Variants in LARP1 observed in about 807,000 individuals in gnomAD.
The protein encoded by LARP1 is la-related protein 1.
LARP1 carries 36 observed loss-of-function variants against 122.7 expected under a neutral mutation model. The ratio of observed to expected loss-of-function variants is 0.29; its 90% CI spans 0.22 to 0.39. The LOEUF is 0.39. Ranked by LOEUF, LARP1 falls within the 10% of genes least tolerant of loss-of-function variation. The probability of loss-of-function intolerance (pLI) is 1.00; values close to 1 mark genes in which losing one functional copy is unlikely to be tolerated. For synonymous variants in LARP1, 539 were observed against 528.7 expected (o/e 1.02, Z -0.27); for missense variants, 1,040 against 1,403.6 (o/e 0.74, Z 4.14).
intron 1 of LARP1, among the ~76,000 whole-genome samples, chr5:154,773,878 A>G (rs181991534): frequency 6.6e-6 from 1 of 152,186 alleles, no homozygotes; most frequent in African/African-American, 2.4e-5. Flanking sequence ...GGGCCAGAGT[A>G]GTTGCAGAAG....
intron 1 of LARP1, among the ~76,000 whole-genome samples, chr5:154,701,830 C>T (rs1209181677): frequency 6.6e-6 from 1 of 151,998 alleles, no homozygotes; most frequent in East Asian, 1.9e-4. Context: ...ACTATGTTGG[C>T]CAGGCTGGTC....
chr5:154,801,941 A>T (rs1758383985), intron 10 of LARP1, 66 bp from the exon 11 acceptor site: 2 of 1,472,268 alleles, frequency 1.4e-6, no homozygotes, highest in Non-Finnish European at 1.8e-6. Flanking sequence ...CTCTCATGGT[A>T]TAGCTACAGA....
upstream of LARP1, among the ~76,000 whole-genome samples, chr5:154,753,625 T>C (rs960042177): frequency 6.6e-6 from 1 of 152,226 alleles, no homozygotes; most frequent in African/African-American, 2.4e-5. Flanking sequence ...TAACATTGTC[T>C]CACTTGACCT....
intron 7 of LARP1, 42 bp from the exon 8 acceptor site, chr5:154,795,133 G>A: frequency 6.3e-7 from 1 of 1,597,874 alleles, no homozygotes. Flanking sequence ...TAAAACTGAT[G>A]CACCAATCCC....
intron 1 of LARP1, among the ~76,000 whole-genome samples, chr5:154,770,685 C>T (rs1206982983): frequency 6.6e-6 from 1 of 152,076 alleles, no homozygotes; most frequent in Non-Finnish European, 1.5e-5. Flanking sequence ...TTTTTGATTT[C>T]AGGTAAGATC....
At chr5:154,810,285 A>G (rs1051123975) in intron 16 of LARP1, among the ~76,000 whole-genome samples, 6 of 151,092 alleles carry the variant, frequency 4.0e-5, no homozygotes, top group Non-Finnish European at 8.8e-5. Flanking sequence ...AAAATACACA[A>G]ATTAGCTGGG....
At chr5:154,690,585 G>A (rs1286000189) in intron 1 of LARP1, among the ~76,000 whole-genome samples, 1 of 152,214 alleles carries the variant, frequency 6.6e-6, no homozygotes, top group Non-Finnish European at 1.5e-5. Context: ...CGGTCCGCCC[G>A]GCCCCAGAGC....
At chr5:154,795,941 AT>A (rs1260030030) in intron 8 of LARP1, among the ~76,000 whole-genome samples, 4 of 118,834 alleles carry the variant, frequency 3.4e-5, no homozygotes, top group African/African-American at 1.3e-4. Context: ...TATATTATAT[AT>A]TTATATATTA....
intron 1 of LARP1, among the ~76,000 whole-genome samples, chr5:154,735,787 T>C (rs1756861658): frequency 6.6e-6 from 1 of 151,440 alleles, no homozygotes; most frequent in Non-Finnish European, 1.5e-5. Flanking sequence ...GCCAGGCTGG[T>C]CTCAAACTCC....
intron 1 of LARP1, among the ~76,000 whole-genome samples, chr5:154,689,883 C>T (rs535621963): frequency 6.6e-6 from 1 of 152,128 alleles, no homozygotes; most frequent in East Asian, 1.9e-4. Flanking sequence ...TCGAGACCAG[C>T]CTGGCCATCA....
At chr5:154,738,731 A>T (rs1363023282) in intron 1 of LARP1, among the ~76,000 whole-genome samples, 1 of 152,170 alleles carries the variant, frequency 6.6e-6, no homozygotes, top group South Asian at 2.1e-4. Context: ...CCCTTATGAG[A>T]TAGGACACAG....
intron 1 of LARP1, among the ~76,000 whole-genome samples, chr5:154,686,785 C>T (rs1753959527): frequency 6.6e-6 from 1 of 152,190 alleles, no homozygotes; most frequent in Non-Finnish European, 1.5e-5. Flanking sequence ...ATCCTACAGA[C>T]CCTTAAATGC....
At chr5:154,746,562 G>T (rs1430807155) in intron 1 of LARP1, among the ~76,000 whole-genome samples, 1 of 152,192 alleles carries the variant, frequency 6.6e-6, no homozygotes, top group African/African-American at 2.4e-5. Context: ...CCTGGGTTCT[G>T]ATCTTGATTC....
chr5:154,814,603 G>T lies in LARP1; in HGVS notation c.*507G>T, dbSNP rs1390812122. ...GTACCTCTGGGCCCCAGGAGCATCA[G>T]CCCCTTGATCATCTGGGGTTTGTCA... On this transcript the variant is annotated 3_prime_UTR_variant, in exon 19 of 19. Transcript: ENST00000518297. 6.6e-6 allele frequency: 1 copy of T among 152,490 alleles called. No homozygotes were observed. Among genetic ancestry groups the T allele is most frequent in the Non-Finnish European group, 1.5e-5 (1 of 68,070 alleles). 9.4% of individuals were successfully genotyped at this position (152,490 alleles called of 1,614,324 possible).
In LARP1 at chr5:154,756,133, C is replaced by G; in HGVS notation, c.376C>G (p.Pro126Ala). Residue 126 changes from proline to alanine, a missense_variant, in exon 1 of 19, where the codon CCG becomes GCG. This residue lies in a region of LARP1 where 257 missense variants were observed against 273.3 expected (regional missense o/e 0.94). Transcript: ENST00000518297. ...FVEAPPPKVN[P>A]WTKNALPPVL... ...GGAAGCCCCCCCGCCCAAGGTGAAC[C>G]CGTGGACTAAGAACGCATTGCCGCC... 1 of 1,309,794 alleles carries G rather than the reference C, an allele frequency of 7.6e-7. No individual in the cohort carries two copies. Among genetic ancestry groups the G allele is most frequent in the Non-Finnish European group, 1.0e-6 (1 of 996,412 alleles). 81.1% of individuals were successfully genotyped at this position (1,309,794 alleles called of 1,614,324 possible).
chr5:154,705,307 T>A (rs1456974589), intron 1 of LARP1, among the ~76,000 whole-genome samples: 1 of 152,306 alleles, frequency 6.6e-6, no homozygotes, highest in East Asian at 1.9e-4. Context: ...TAGGCTAGTC[T>A]GAAGATAGTG....
At chr5:154,798,578 T>C (rs865960597) in intron 8 of LARP1, among the ~76,000 whole-genome samples, 1 of 151,956 alleles carries the variant, frequency 6.6e-6, no homozygotes, top group African/African-American at 2.4e-5. Flanking sequence ...CTGGAGTTAG[T>C]ACAGTGGTGT....
chr5:154,802,269 A>C lies in LARP1; in HGVS notation c.1979A>C (p.Asp660Ala). 1.2e-6 allele frequency: 2 copies of C among 1,614,078 alleles called. No individual in the cohort carries two copies. The highest frequency in any genetic ancestry group is 1.7e-6 in the Non-Finnish European group (2 of 1,180,018). The change falls in exon 11 of 19, where the codon GAC becomes GCC. Residue 660 changes from aspartate (D) to alanine (A), a missense_variant. Physicochemically the swap from Asp to Ala is moderately radical, Grantham distance 126. Transcript: ENST00000518297. The surrounding 1 kb of genome is among the most constrained non-coding windows in gnomAD (Gnocchi z 5.1). Reference sequence around the variant, plus strand: ...TACATGCGCCGGCACCCAGGGGGGGACCGCACAGGCAACCACACCTCGCGT... The same window carrying C: ...TACATGCGCCGGCACCCAGGGGGGGCCCGCACAGGCAACCACACCTCGCGT... ...PHYMRRHPGG[D>A]RTGNHTSRAK...
chr5:154,792,103 C>A (rs1372963297), intron 3 of LARP1: 2 of 399,572 alleles, frequency 5.0e-6, no homozygotes, highest in South Asian at 1.7e-5. Context: ...GGCCAAGCAC[C>A]GACCTCCAGA....
Sources: gnomAD v4.1 joint callset for allele counts (sites outside exome capture counted in the v4.1 genomes callset) on GRCh38, gnomAD v4.1.1 for gene constraint, gnomAD v4.1.1 regional missense constraint, Gnocchi (gnomAD v3.1) non-coding constraint, MANE v1.5 for transcripts, NCBI Gene and HGNC (gene_info 2026-07-23, HGNC 2026-07-21) for gene names.